The following WDR97 variants were observed in gnomAD, a reference collection of about 807,000 sequenced individuals.
WDR97 encodes WD repeat-containing protein 97.
A neutral mutation model predicts 65.4 loss-of-function variants in WDR97; 111 were observed. The observed-to-expected ratio is 1.70, with a 90% CI of 1.45 to 1.99. WDR97 has a LOEUF of 1.99. Ranked by LOEUF, WDR97 falls within the 30% of genes most tolerant of loss-of-function variation. WDR97 has a pLI of 0.00. For missense variants in WDR97, 1,674 were observed against 865.0 expected (o/e 1.94, Z -11.73); for synonymous variants, 802 against 397.7 (o/e 2.02, Z -12.10).
intron 1 of WDR97, 86 bp downstream of exon 1, chr8:144,107,948 T>C: frequency 1.4e-6 from 1 of 700,960 alleles, no homozygotes; most frequent in Non-Finnish European, 2.6e-6. Flanking sequence ...GGAACAAAAC[T>C]CCCCTGGGCA....
In WDR97 at chr8:144,112,129, C is replaced by G. The variant is rs1319868661; in HGVS notation, c.2880C>G (p.His960Gln). ...VPIPPTHRRV[H>Q]SKASQLLARS... Reference sequence around the variant, plus strand: ...TCCCACCCACCCACCGTAGGGTGCACAGCAAGGCATCCCAGGTGAGGCTTC... The same window carrying G: ...TCCCACCCACCCACCGTAGGGTGCAGAGCAAGGCATCCCAGGTGAGGCTTC... The change falls in exon 13 of 24, where the codon CAC becomes CAG. Residue 960 changes from histidine to glutamine, a missense_variant. Coordinates refer to ENST00000323662, the MANE Select transcript of WDR97 (RefSeq NM_001316309.2). 1 of 702,282 alleles carries G rather than the reference C, an allele frequency of 1.4e-6. No homozygotes were observed. Among genetic ancestry groups the G allele is most frequent in the African/African-American group, 1.7e-5 (1 of 57,340 alleles). 43.5% of individuals were successfully genotyped at this position (702,282 alleles called of 1,614,324 possible).
Position 144,111,520 on chromosome 8 carries a change from G to A in WDR97, c.2487+34G>A, listed in dbSNP as rs146058102. 1,929 of 700,104 alleles carry A rather than the reference G, an allele frequency of 2.8e-3. 9 individuals carry two copies. The highest frequency in any genetic ancestry group is 0.02 in the African/African-American group (1,157 of 57,354). The allele number at this position is 700,104 out of a possible 1,614,324, so 43.4% of individuals were successfully genotyped here. On this transcript the variant is annotated intron_variant, in intron 11 of 23. Coordinates refer to ENST00000323662, the MANE Select transcript of WDR97 (RefSeq NM_001316309.2). ...GGTCCTCCTTAGCCCGCCCTGCCCC[G>A]GCTCAGGCCCCAGCCGTCAGCCCTG...
Position 144,108,683 on chromosome 8 carries a change from C to G in WDR97, c.617C>G (p.Pro206Arg). The stretch of plus-strand genomic sequence containing the variant: ...GCGCCCACCTGCTGCCTGCCGGTTC[C>G]CGACCTCAGGCTGCTGCTCGTTGCG... ...GWAPTCCLPVPDLRLLLVAEM... is the reference protein window; with the variant it reads ...GWAPTCCLPVRDLRLLLVAEM... The change falls in exon 3 of 24, where the codon CCC becomes CGC. Residue 206 changes from proline (P) to arginine (R), a missense_variant. Physicochemically the swap from Pro to Arg is moderately radical, Grantham distance 103. Coordinates refer to ENST00000323662, the MANE Select transcript of WDR97 (RefSeq NM_001316309.2). 1.4e-6 allele frequency: 1 copy of G among 700,836 alleles called. No homozygotes were observed. Among genetic ancestry groups the G allele is most frequent in the Non-Finnish European group, 2.6e-6 (1 of 384,484 alleles). The allele number at this position is 700,836 out of a possible 1,614,324, so 43.4% of individuals were successfully genotyped here.
Position 144,115,851 on chromosome 8 carries a change from G to C in WDR97, c.4588G>C (p.Glu1530Gln), listed in dbSNP as rs933270834. The C allele has an allele frequency of 2.2e-5, 15 of 691,182 alleles. No homozygotes were observed. Among genetic ancestry groups the C allele is most frequent in the African/African-American group, 1.4e-4 (8 of 56,956 alleles). 42.8% of individuals were successfully genotyped at this position (691,182 alleles called of 1,614,324 possible). ...CGACATGGTGGTGCCACCTCCGCGGGAGCACTGGTGCGCGGGGCCTGCGCC... is the reference window on the plus strand; with the variant it reads ...CGACATGGTGGTGCCACCTCCGCGGCAGCACTGGTGCGCGGGGCCTGCGCC... The part of the protein sequence containing the change: ...VPDMVVPPPR[E>Q]HWYHPILRLQ... Residue 1530 changes from glutamate to glutamine, a missense_variant, in exon 22 of 24, where the codon GAG becomes CAG. Physicochemically the swap from Glu to Gln is conservative, Grantham distance 29. Coordinates refer to ENST00000323662, the MANE Select transcript of WDR97 (RefSeq NM_001316309.2).
rs185229941 is a variant in WDR97, at chr8:144,109,091, G to T, written c.921G>T (p.Met307Ile). The change falls in exon 4 of 24, where the codon ATG becomes ATT. Residue 307 changes from methionine to isoleucine, a missense_variant. Met to Ile is a conservative substitution (Grantham distance 10, BLOSUM62 1). Transcript: ENST00000323662. The part of the protein sequence containing the change: ...DLAYCEEVEA[M>I]VTASRDSTVK... ...CTTACTGCGAGGAAGTAGAGGCAAT[G>T]GTGACAGCTTCCCGGGACAGCACCG... is the stretch of plus-strand genomic sequence containing the variant. 7 of 703,148 alleles carry T rather than the reference G, an allele frequency of 1.0e-5. No homozygotes were observed. In the African/African-American group the frequency reaches 1.0e-4, roughly 11 times the overall value. 43.6% of individuals were successfully genotyped at this position (703,148 alleles called of 1,614,324 possible). A position where few individuals can be genotyped will look rare whatever the true frequency, so the allele number is the denominator to read the frequency against.
chr8:144,110,563 C>T lies in WDR97; in HGVS notation c.2066C>T (p.Thr689Met). Residue 689 changes from threonine to methionine, a missense_variant, in exon 7 of 24, where the codon ACG (threonine) becomes ATG (methionine). Coordinates refer to ENST00000323662, the MANE Select transcript of WDR97 (RefSeq NM_001316309.2). ...RLDHRPQDDP[T>M]DHITGLCCCP... ...GACCACCGGCCCCAGGACGACCCCA[C>T]GGACCACATCACTGGTGAGGGGGCA... 1.4e-6 allele frequency: 1 copy of T among 702,840 alleles called. No individual in the cohort carries two copies. The highest frequency in any genetic ancestry group is 2.7e-5 in the East Asian group (1 of 37,280). The allele number at this position is 702,840 out of a possible 1,614,324, so 43.5% of individuals were successfully genotyped here.
chr8:144,108,693 GCTGCTGCT>G lies in WDR97; in HGVS notation c.629_636del (p.Leu210ArgfsTer110). 1 of 700,930 alleles carries G rather than the reference GCTGCTGCT, an allele frequency of 1.4e-6. No homozygotes were observed. The highest frequency in any genetic ancestry group is 1.5e-5 in the South Asian group (1 of 67,514). 43.4% of individuals were successfully genotyped at this position (700,930 alleles called of 1,614,324 possible). On this transcript the variant is annotated frameshift_variant, in exon 3 of 24. Coordinates refer to ENST00000323662, the MANE Select transcript of WDR97 (RefSeq NM_001316309.2). LOFTEE classifies it high-confidence loss of function. ...GCTGCCTGCCGGTTCCCGACCTCAGGCTGCTGCTCGTTGCGGAGATGAACAGCAGCCTG... is the reference window on the plus strand; with the variant it reads ...GCTGCCTGCCGGTTCCCGACCTCAGGCGTTGCGGAGATGAACAGCAGCCTG...
rs980929966 is a variant in WDR97, at chr8:144,113,432, A to G, written c.3106-8A>G. ...GTCCTCAGCATTCCCTGCTGTGCCC[A>G]CCTCCAGCACTGCCTGAGGCCCATC... On this transcript the variant is annotated splice_polypyrimidine_tract_variant and splice_region_variant and intron_variant, in intron 15 of 23. Coordinates refer to ENST00000323662, the MANE Select transcript of WDR97 (RefSeq NM_001316309.2). 2.6e-5 allele frequency: 18 copies of G among 701,838 alleles called. No homozygotes were observed. Among genetic ancestry groups the G allele is most frequent in the African/African-American group, 2.1e-4 (12 of 57,176 alleles). 43.5% of individuals were successfully genotyped at this position (701,838 alleles called of 1,614,324 possible).
At chr8:144,111,392 C>T (rs1233044145) in intron 10 of WDR97, 34 bp from the exon 11 acceptor site, 7 of 702,680 alleles carry the variant, frequency 1.0e-5, no homozygotes, top group Non-Finnish European at 7.8e-6. Flanking sequence ...GGCATGCCAC[C>T]CAGCATCCCA....
intron 10 of WDR97, 87 bp from the exon 11 acceptor site, chr8:144,111,339 C>T (rs1480620017): frequency 7.1e-6 from 5 of 702,642 alleles, no homozygotes; most frequent in African/African-American, 5.2e-5. Context: ...CTGGCACACC[C>T]GTTTGGGGTT....
intron 21 of WDR97, 59 bp downstream of exon 21, chr8:144,114,970 G>A: frequency 6.3e-6 from 4 of 634,788 alleles, no homozygotes; most frequent in Non-Finnish European, 1.1e-5. Context: ...CTGGCTTTCT[G>A]CAAGTCCTGG....
intron 12 of WDR97, 42 bp downstream of exon 12, chr8:144,111,823 C>T (rs777198726): frequency 4.3e-6 from 3 of 695,968 alleles, no homozygotes; most frequent in Non-Finnish European, 5.3e-6. Flanking sequence ...GACCCTGGCC[C>T]CTCTTCTCCA....
Position 144,116,534 on chromosome 8 carries a change from G to A in WDR97, c.*241G>A, listed in dbSNP as rs904799960. On this transcript the variant is annotated 3_prime_UTR_variant, in exon 24 of 24. Transcript: ENST00000323662. ...CACCAGCGTTCCCGGAGGGGTGGCC[G>A]GCCTAGGGCAGAGGAGACCCATAGC... 19 of 480,196 alleles carry A rather than the reference G, an allele frequency of 4.0e-5. No individual in the cohort carries two copies. Among genetic ancestry groups the A allele is most frequent in the Admixed American group, 1.1e-4 (3 of 26,236 alleles). The allele number at this position is 480,196 out of a possible 1,614,324, so 29.7% of individuals were successfully genotyped here.
Position 144,116,227 on chromosome 8 carries a change from G to T in WDR97, c.4803G>T (p.Arg1601=). 1 of 682,190 alleles carries T rather than the reference G, an allele frequency of 1.5e-6. No individual in the cohort carries two copies. The highest frequency in any genetic ancestry group is 2.7e-6 in the Non-Finnish European group (1 of 373,870). The allele number at this position is 682,190 out of a possible 1,614,324, so 42.3% of individuals were successfully genotyped here. A position where few individuals can be genotyped will look rare whatever the true frequency, so the allele number is the denominator to read the frequency against. ...WPMPPRPLPP[R]LLQPALQRYF... The stretch of plus-strand genomic sequence containing the variant: ...TGCCCCCGCGCCCGCTGCCCCCGCG[G>T]CTCCTGCAGCCGGCCCTGCAGCGCT... Residue 1601 remains arginine, a synonymous_variant, in exon 24 of 24, where the codon CGG becomes CGT. Coordinates refer to ENST00000323662, the MANE Select transcript of WDR97 (RefSeq NM_001316309.2).
chr8:144,113,990 G>C lies in WDR97; in HGVS notation c.3422G>C (p.Trp1141Ser). ...CTGCTCCCCTAGAGTGCTGTGGACT[G>C]GACCCAGGAGCCCCGGCGGCGCAGC... ...WELEDQSAVD[W>S]TQEPRRRSCK... Residue 1141 changes from tryptophan to serine, a missense_variant, in exon 18 of 24, where the codon TGG becomes TCG. Trp to Ser is a radical substitution (Grantham distance 177). Transcript: ENST00000323662. 1 of 702,682 alleles carries C rather than the reference G, an allele frequency of 1.4e-6. No homozygotes were observed. The highest frequency in any genetic ancestry group is 2.6e-6 in the Non-Finnish European group (1 of 384,942). 43.5% of individuals were successfully genotyped at this position (702,682 alleles called of 1,614,324 possible). A position where few individuals can be genotyped will look rare whatever the true frequency, so the allele number is the denominator to read the frequency against.
At chr8:144,112,683 C>T (rs777254138) in intron 15 of WDR97, 153 bp downstream of exon 15, 10 of 627,968 alleles carry the variant, frequency 1.6e-5, no homozygotes, top group Non-Finnish European at 2.9e-5. Context: ...GCCTCCCACG[C>T]ACCCCTCACC....
At position 144,108,110 on chromosome 8, in the gene WDR97, A is replaced by C. The variant is rs373017216; in HGVS notation, c.164A>C (p.Gln55Pro). 43 of 702,766 alleles carry C rather than the reference A, an allele frequency of 6.1e-5. No individual in the cohort carries two copies. The African/African-American group carries it at 7.0e-4, about 11-fold the overall frequency. The allele number at this position is 702,766 out of a possible 1,614,324, so 43.5% of individuals were successfully genotyped here. Residue 55 changes from glutamine to proline, a missense_variant, in exon 2 of 24, where the codon CAA becomes CCA. Coordinates refer to ENST00000323662, the MANE Select transcript of WDR97 (RefSeq NM_001316309.2). ...SQVLPFLTSS[Q>P]QWQSLTPRAR... ...GTCCTGCCCTTTTTGACCAGCAGCC[A>C]ACAGTGGCAAAGCCTGACCCCGCGC...
At position 144,108,702 on chromosome 8, in the gene WDR97, C is replaced by A. The variant is rs1420024731; in HGVS notation, c.636C>A (p.Leu212=). 2.9e-6 allele frequency: 2 copies of A among 701,052 alleles called. No individual in the cohort carries two copies. The highest frequency in any genetic ancestry group is 1.5e-5 in the South Asian group (1 of 67,490). The allele number at this position is 701,052 out of a possible 1,614,324, so 43.4% of individuals were successfully genotyped here. A position where few individuals can be genotyped will look rare whatever the true frequency, so the allele number is the denominator to read the frequency against. Residue 212 remains leucine, a synonymous_variant, in exon 3 of 24, where the codon CTC becomes CTA. Transcript: ENST00000323662. ...CGGTTCCCGACCTCAGGCTGCTGCT[C>A]GTTGCGGAGATGAACAGCAGCCTGG... The part of the protein sequence containing the change: ...CLPVPDLRLL[L]VAEMNSSLAL...
chr8:144,114,656 T>A lies in WDR97; in HGVS notation c.3895T>A (p.Tyr1299Asn). ...GCTGGAGCTCATGTCCTACTTCCTC[T>A]ACTCTCCCGTGCACTGCCGGTGAGT... ...VVLELMSYFL[Y>N]SPVHCRPELK... Residue 1299 changes from tyrosine (Y) to asparagine (N), a missense_variant, in exon 20 of 24, where the codon TAC becomes AAC. Tyr to Asn is a moderately radical substitution (Grantham distance 143). Coordinates refer to ENST00000323662, the MANE Select transcript of WDR97 (RefSeq NM_001316309.2). 1.4e-6 allele frequency: 1 copy of A among 702,834 alleles called. No homozygotes were observed. The highest frequency in any genetic ancestry group is 2.6e-6 in the Non-Finnish European group (1 of 384,992). The allele number at this position is 702,834 out of a possible 1,614,324, so 43.5% of individuals were successfully genotyped here.
Sources: allele counts gnomAD v4.1 joint callset, GRCh38; gene constraint gnomAD v4.1.1; transcripts MANE v1.5; gene names NCBI Gene and HGNC (gene_info 2026-07-23, HGNC 2026-07-21).